Variants in OR1L8 observed in about 807,000 individuals in gnomAD.
OR1L8 encodes olfactory receptor 1L8.
For missense variants in OR1L8, 330 were observed against 377.4 expected, an observed-to-expected ratio of 0.87 and a Z score of 1.04; for synonymous variants, 148 against 147.0, an observed-to-expected ratio of 1.01 and a Z score of -0.05.
At chr9:122,546,492 G>C in the OR1L8 span, among the ~76,000 whole-genome samples, 1 of 152,136 alleles carries the variant, frequency 6.6e-6, no homozygotes, top group Non-Finnish European at 1.5e-5. Context: ...GCCTTGCTGT[G>C]AGCTGTCCAA....
At chr9:122,556,567 T>A in the OR1L8 span, among the ~76,000 whole-genome samples, 1 of 152,050 alleles carries the variant, frequency 6.6e-6, no homozygotes, top group East Asian at 1.9e-4. Flanking sequence ...AACTAATGCA[T>A]GCGGGGCTTA....
rs1424770347 is a variant in OR1L8 at position 122,583,365 on chromosome 9, A to C, written c.-644T>G. 1.3e-5 allele frequency: 2 copies of C among 152,120 alleles called. No individual in the cohort carries two copies. Among genetic ancestry groups the C allele is most frequent in the Admixed American group, 6.6e-5 (1 of 15,260 alleles). 9.4% of individuals were successfully genotyped at this position (152,120 alleles called of 1,614,324 possible). A position where few individuals can be genotyped will look rare whatever the true frequency, so the allele number is the denominator to read the frequency against. On this transcript the variant is annotated 5_prime_UTR_variant, in exon 1 of 5. Coordinates refer to ENST00000641027, the MANE Select transcript of OR1L8 (RefSeq NM_001004454.2). ...AGACAGGATGACTGAATATAATATA[A>C]TATCCTCGATGGGATCCTGGAACAC...
At position 122,568,260 on chromosome 9, in the gene OR1L8, C is replaced by T; in HGVS notation, c.218G>A (p.Cys73Tyr). 1.2e-6 allele frequency: 2 copies of T among 1,613,886 alleles called. No individual in the cohort carries two copies. Among genetic ancestry groups the T allele is most frequent in the Non-Finnish European group, 1.7e-6 (2 of 1,179,864 alleles). Residue 73 changes from cysteine (C) to tyrosine (Y), a missense_variant, in exon 5 of 5, where the codon TGC becomes TAC. Physicochemically the swap from Cys to Tyr is radical, Grantham distance 194 (BLOSUM62 -2). Coordinates refer to ENST00000641027, the MANE Select transcript of OR1L8 (RefSeq NM_001004454.2). ...CTTGGGGACAACGCTTGTTGTAAAGCAAATATCAGTGAGAGACAGAAAACT... is the reference window on the plus strand; with the variant it reads ...CTTGGGGACAACGCTTGTTGTAAAGTAAATATCAGTGAGAGACAGAAAACT... ...FLSFLSLTDI[C>Y]FTTSVVPKML...
At chr9:122,548,252 T>C in the OR1L8 span, among the ~76,000 whole-genome samples, 7 of 151,928 alleles carry the variant, frequency 4.6e-5, no homozygotes. Flanking sequence ...GGCAAAGGGG[T>C]TTGGGCTGGG....
the OR1L8 span, among the ~76,000 whole-genome samples, chr9:122,561,689 C>A: frequency 6.6e-6 from 1 of 152,124 alleles, no homozygotes; most frequent in Non-Finnish European, 1.5e-5. Context: ...AGCTGGAGAA[C>A]AGTAAAGATG....
At chr9:122,550,462 C>A in the OR1L8 span, among the ~76,000 whole-genome samples, 1 of 151,946 alleles carries the variant, frequency 6.6e-6, no homozygotes, top group African/African-American at 2.4e-5. Context: ...AACTACAGAC[C>A]AATATTTGTG....
rs569637879 is a variant in OR1L8 at position 122,567,477 on chromosome 9, C to T, written c.*71G>A. The T allele has an allele frequency of 8.5e-6, 10 of 1,180,404 alleles. No homozygotes were observed. Among genetic ancestry groups the T allele is most frequent in the African/African-American group, 3.1e-5 (2 of 65,076 alleles). The allele number at this position is 1,180,404 out of a possible 1,614,324, so 73.1% of individuals were successfully genotyped here. A position where few individuals can be genotyped will look rare whatever the true frequency, so the allele number is the denominator to read the frequency against. On this transcript the variant is annotated 3_prime_UTR_variant, in exon 5 of 5. Transcript: ENST00000641027. ...CTAGCTTCCAACAGCTTTGACTGTT[C>T]ACCAGAAACCAGTAGAAAACACGTC...
intron 1 of OR1L8, among the ~76,000 whole-genome samples, chr9:122,579,426 T>C (rs1175781042): frequency 1.3e-5 from 2 of 152,180 alleles, no homozygotes; most frequent in Non-Finnish European, 2.9e-5. Context: ...ATAAAGTCGC[T>C]CTTTCTCTCC....
At chr9:122,549,033 A>G in the OR1L8 span, among the ~76,000 whole-genome samples, 16 of 151,802 alleles carry the variant, frequency 1.1e-4, no homozygotes, top group Non-Finnish European at 1.9e-4. Flanking sequence ...TTAGTCATGA[A>G]TTATTTGCTT....
At chr9:122,563,649 G>A (rs1043918713), downstream of OR1L8, among the ~76,000 whole-genome samples, 13 of 152,038 alleles carry the variant, frequency 8.6e-5, no homozygotes, top group African/African-American at 1.7e-4. Flanking sequence ...TGCTTTTGTT[G>A]TCTATGCTTT....
chr9:122,576,335 G>T (rs747279845), intron 3 of OR1L8, among the ~76,000 whole-genome samples: 105 of 151,464 alleles, frequency 6.9e-4, no homozygotes, highest in Non-Finnish European at 5.3e-4. Flanking sequence ...AATTCTCCTG[G>T]CTCAGCCTCC....
Position 122,568,346 on chromosome 9 carries a change from C to G in OR1L8, c.132G>C (p.Leu44=). The G allele has an allele frequency of 6.2e-7, 1 of 1,614,072 alleles. No homozygotes were observed. Among genetic ancestry groups the G allele is most frequent in the Non-Finnish European group, 8.5e-7 (1 of 1,179,984 alleles). ...TGAAGCGAATGGCCAGGATGATGAG[C>G]AGGTTCCCTGTTATGGTGACCAGGT... ...IVYLVTITGN[L]LIILAIRFNP... is the part of the protein sequence containing the mutation. The change falls in exon 5 of 5, where the codon CTG becomes CTC. Residue 44 remains leucine (L), a synonymous_variant. Coordinates refer to ENST00000641027, the MANE Select transcript of OR1L8 (RefSeq NM_001004454.2).
the OR1L8 span, among the ~76,000 whole-genome samples, chr9:122,548,544 T>C: frequency 6.6e-6 from 1 of 151,972 alleles, no homozygotes; most frequent in South Asian, 2.1e-4. Context: ...ATGTTTTCTT[T>C]TGAAAAATGT....
intron 1 of OR1L8, among the ~76,000 whole-genome samples, chr9:122,582,441 C>T (rs866359356): frequency 1.8e-4 from 27 of 152,114 alleles, no homozygotes; most frequent in Admixed American, 9.8e-4. Context: ...CAAGGCTCGG[C>T]GCAGTGGCTC....
At chr9:122,556,363 A>G in the OR1L8 span, among the ~76,000 whole-genome samples, 1 of 150,304 alleles carries the variant, frequency 6.7e-6, no homozygotes. Flanking sequence ...ATTGTCTTTC[A>G]TCCTTTGTCA....
In OR1L8 at chr9:122,568,299, A is replaced by T; in HGVS notation, c.179T>A (p.Met60Lys). The T allele has an allele frequency of 6.2e-7, 1 of 1,614,108 alleles. No homozygotes were observed. Among genetic ancestry groups the T allele is most frequent in the Non-Finnish European group, 8.5e-7 (1 of 1,179,978 alleles). ...AGACAGAAAACTCAAGAAGAAATAC[A>T]TAGGGGTCTGAAGATGGGGGTTGAA... is the stretch of plus-strand genomic sequence containing the variant. ...IRFNPHLQTPMYFFLSFLSLT... is the reference protein window; with the variant it reads ...IRFNPHLQTPKYFFLSFLSLT... Residue 60 changes from methionine to lysine, a missense_variant, in exon 5 of 5, where the codon ATG becomes AAG. Physicochemically the swap from Met to Lys is moderately conservative, Grantham distance 95. Coordinates refer to ENST00000641027, the MANE Select transcript of OR1L8 (RefSeq NM_001004454.2).
chr9:122,565,187 C>T (rs1270347044), downstream of OR1L8, among the ~76,000 whole-genome samples: 1 of 152,144 alleles, frequency 6.6e-6, no homozygotes, highest in African/African-American at 2.4e-5. Flanking sequence ...GAAACACATT[C>T]TGGGTGATCA....
chr9:122,554,898 C>A, the OR1L8 span, among the ~76,000 whole-genome samples: 15 of 152,244 alleles, frequency 9.9e-5, no homozygotes, highest in South Asian at 4.1e-4. Flanking sequence ...TCTCTGAATT[C>A]TTTCATAAAA....
intron 1 of OR1L8, among the ~76,000 whole-genome samples, chr9:122,580,143 G>C (rs1167158387): frequency 6.6e-6 from 1 of 151,916 alleles, no homozygotes; most frequent in Non-Finnish European, 1.5e-5. Context: ...AATGTACCTA[G>C]TAACTGGACA....
Sources: allele counts gnomAD v4.1 joint callset (sites outside exome capture counted in the v4.1 genomes callset), GRCh38; gene constraint gnomAD v4.1.1; transcripts MANE v1.5; gene names NCBI Gene and HGNC (gene_info 2026-07-23, HGNC 2026-07-21).